Variants in PTCHD4 observed in about 807,000 individuals in gnomAD.
The protein encoded by PTCHD4 is patched domain-containing protein 4.
PTCHD4 carries 33 observed loss-of-function variants against 58.1 expected under a neutral mutation model. The ratio of observed to expected loss-of-function variants is 0.57; its 90% CI spans 0.43 to 0.76. PTCHD4 has a LOEUF of 0.76. Ranked by LOEUF, PTCHD4 falls within the 30% of genes least tolerant of loss-of-function variation. The pLI is 0.00. For missense variants in PTCHD4, 1,058 were observed against 1,027.1 expected, an observed-to-expected ratio of 1.03 and a Z score of -0.41; for synonymous variants, 478 against 409.6, an observed-to-expected ratio of 1.17 and a Z score of -2.02.
At chr6:47,939,859 G>A (rs1372954422) in intron 4 of PTCHD4, among the ~76,000 whole-genome samples, 1 of 152,026 alleles carries the variant, frequency 6.6e-6, no homozygotes, top group Non-Finnish European at 1.5e-5. Flanking sequence ...GTTTAAATGA[G>A]CTCTCCTGAA....
At chr6:47,909,207 C>T (rs1046989877) in intron 4 of PTCHD4, among the ~76,000 whole-genome samples, 3 of 152,056 alleles carry the variant, frequency 2.0e-5, no homozygotes, top group African/African-American at 7.2e-5. Context: ...AGTTTAAATA[C>T]CAGAGAGAAT....
rs1057508567 is a variant in PTCHD4 at position 47,874,886 on chromosome 6, T to C, written c.*3417A>G. ...ATTAAGGCTGGTCTAAAGAATCAAA[T>C]CTCTAAGGTATGATTACCTTTAACC... On this transcript the variant is annotated 3_prime_UTR_variant, in exon 5 of 5. Transcript: ENST00000339488. Among the ~76,000 whole-genome samples the C allele has an allele frequency of 7.9e-5, 12 of 151,908 alleles. No homozygotes were observed. The highest frequency in any genetic ancestry group is 2.7e-4 in the African/African-American group (11 of 41,504).
rs964154429 is a variant in PTCHD4 at position 47,862,435 on chromosome 6, T to C, written c.*15868A>G. On this transcript the variant is annotated 3_prime_UTR_variant, in exon 5 of 5. Coordinates refer to ENST00000339488, the MANE Select transcript of PTCHD4 (RefSeq NM_001384253.1). ...TTTATTCAAGATCAAAATTTTTCAA[T>C]TATTCTAGAATGCTATATCATTTTC... is the stretch of plus-strand genomic sequence containing the variant. Among the ~76,000 whole-genome samples the C allele has an allele frequency of 1.3e-5, 2 of 151,830 alleles. No homozygotes were observed. The highest frequency in any genetic ancestry group is 2.4e-5 in the African/African-American group (1 of 41,418).
intron 4 of PTCHD4, among the ~76,000 whole-genome samples, chr6:47,898,857 C>T (rs568590930): frequency 3.3e-5 from 5 of 152,276 alleles, no homozygotes; most frequent in Non-Finnish European, 5.9e-5. Flanking sequence ...AGAAGAGAAG[C>T]AAGTGTCCTT....
At chr6:47,985,087 C>T (rs1043442694) in intron 4 of PTCHD4, among the ~76,000 whole-genome samples, 2 of 152,040 alleles carry the variant, frequency 1.3e-5, no homozygotes, top group Non-Finnish European at 2.9e-5. Context: ...GATTTTTATG[C>T]ATCAAACTTA....
chr6:48,072,157 G>A (rs562712222), intron 1 of PTCHD4, among the ~76,000 whole-genome samples: 2 of 152,166 alleles, frequency 1.3e-5, no homozygotes, highest in African/African-American at 4.8e-5. Flanking sequence ...AAGGAGTGGA[G>A]AGTTAGGCTC....
chr6:48,001,659 G>A (rs1768726910), intron 4 of PTCHD4, among the ~76,000 whole-genome samples: 1 of 152,110 alleles, frequency 6.6e-6, no homozygotes, highest in African/African-American at 2.4e-5. Flanking sequence ...AAAAACCCTA[G>A]AAGAAAACCT....
intron 4 of PTCHD4, among the ~76,000 whole-genome samples, chr6:47,968,691 A>C (rs953437567): frequency 2.0e-5 from 3 of 152,176 alleles, no homozygotes; most frequent in African/African-American, 7.2e-5. Context: ...TTTTTTAAAA[A>C]TAATTTTGAG....
At position 47,878,219 on chromosome 6, in the gene PTCHD4, C is replaced by A; in HGVS notation, c.*84G>T. On this transcript the variant is annotated 3_prime_UTR_variant, in exon 5 of 5. Coordinates refer to ENST00000339488, the MANE Select transcript of PTCHD4 (RefSeq NM_001384253.1). ...ACTTGCCTTGTTACCCCTGGCCAGC[C>A]CAAGCAGCTGAGGTCTGAGCTTTAC... The A allele has an allele frequency of 7.6e-7, 1 of 1,309,802 alleles. No individual in the cohort carries two copies. The highest frequency in any genetic ancestry group is 1.1e-6 in the Non-Finnish European group (1 of 950,776). 81.1% of individuals were successfully genotyped at this position (1,309,802 alleles called of 1,614,324 possible). A position where few individuals can be genotyped will look rare whatever the true frequency, so the allele number is the denominator to read the frequency against.
intron 3 of PTCHD4, among the ~76,000 whole-genome samples, chr6:48,031,490 T>C (rs1165155914): frequency 6.6e-6 from 1 of 152,092 alleles, no homozygotes; most frequent in East Asian, 1.9e-4. Context: ...TTAACAAGTG[T>C]TAAGAATAAT....
chr6:47,929,243 A>C (rs1344173243), intron 4 of PTCHD4, among the ~76,000 whole-genome samples: 2 of 152,212 alleles, frequency 1.3e-5, no homozygotes, highest in Admixed American at 6.5e-5. Flanking sequence ...CAAAATGAAA[A>C]CGTTCATTTG....
intron 4 of PTCHD4, among the ~76,000 whole-genome samples, chr6:47,940,741 C>G (rs562165546): frequency 6.6e-6 from 1 of 152,132 alleles, no homozygotes; most frequent in East Asian, 1.9e-4. Flanking sequence ...ATGGGAAAAA[C>G]CAATTTAGAT....
At chr6:47,959,824 G>A (rs1405597334) in intron 4 of PTCHD4, among the ~76,000 whole-genome samples, 25 of 148,904 alleles carry the variant, frequency 1.7e-4, no homozygotes, top group African/African-American at 1.2e-4. Flanking sequence ...TATCAAAGAC[G>A]AAGAGGAAAA....
At chr6:48,079,970 A>ATTTTTTTTTTTTTTTTTTTTTTTTTT (rs141629864) in intron 1 of PTCHD4, among the ~76,000 whole-genome samples, 1 of 76,084 alleles carries the variant, frequency 1.3e-5, no homozygotes, top group African/African-American at 4.8e-5. Flanking sequence ...CCTTATGATG[A>ATTTTTTTTTTTTTTTTTTTTTTTTTT]TTTTTTTTTT....
chr6:47,987,334 C>A (rs1005128647), intron 4 of PTCHD4, among the ~76,000 whole-genome samples: 3 of 150,466 alleles, frequency 2.0e-5, no homozygotes, highest in Non-Finnish European at 4.4e-5. Context: ...GTGCAGCACA[C>A]CAACATGGCA....
At chr6:47,900,801 A>G (rs1313060656) in intron 4 of PTCHD4, 2 of 152,188 alleles carry the variant, frequency 1.3e-5, no homozygotes, top group Non-Finnish European at 2.9e-5. Flanking sequence ...CCTTAATTCT[A>G]TTGATGGTAT....
At chr6:47,989,701 G>A (rs564987018) in intron 4 of PTCHD4, among the ~76,000 whole-genome samples, 44 of 152,282 alleles carry the variant, frequency 2.9e-4, no homozygotes, top group African/African-American at 7.2e-4. Flanking sequence ...ACTAGGTTTC[G>A]GAAGATGTAT....
At chr6:48,028,420 G>A (rs913674947) in intron 3 of PTCHD4, among the ~76,000 whole-genome samples, 2 of 152,016 alleles carry the variant, frequency 1.3e-5, no homozygotes, top group Non-Finnish European at 2.9e-5. Flanking sequence ...GTCATAGAAG[G>A]TCTGTGGAAA....
intron 1 of PTCHD4, among the ~76,000 whole-genome samples, chr6:48,095,370 C>G (rs1765443495): frequency 6.6e-6 from 1 of 152,110 alleles, no homozygotes; most frequent in Non-Finnish European, 1.5e-5. Flanking sequence ...AAAACTTATT[C>G]CATAGTGATC....
Sources: gnomAD v4.1 joint callset for allele counts (sites outside exome capture counted in the v4.1 genomes callset) on GRCh38, gnomAD v4.1.1 for gene constraint, MANE v1.5 for transcripts, NCBI Gene and HGNC (gene_info 2026-07-23, HGNC 2026-07-21) for gene names.